Variants in TUSC3 observed in about 807,000 individuals in gnomAD.
TUSC3 encodes the protein tumor suppressor candidate 3, also known as dolichyl-diphosphooligosaccharide--protein glycosyltransferase subunit TUSC3.
Under a neutral mutation model 44.8 loss-of-function variants are expected in TUSC3, and 45 were observed. The ratio of observed to expected loss-of-function variants is 1.00; its 90% confidence interval spans 0.79 to 1.29. The LOEUF (loss-of-function observed/expected upper bound fraction) is 1.29. Ranked by LOEUF, TUSC3 falls within the 50% of genes most tolerant of loss-of-function variation. The pLI, the probability that TUSC3 is intolerant of heterozygous loss-of-function variation, is 0.00. For synonymous variants in TUSC3, 212 were observed against 152.9 expected (o/e 1.39, Z -2.85); for missense variants, 519 against 437.9 (o/e 1.19, Z -1.65).
intron 6 of TUSC3, among the ~76,000 whole-genome samples, chr8:15,703,479 G>T (rs188198571): frequency 6.6e-6 from 1 of 152,044 alleles, no homozygotes; most frequent in East Asian, 1.9e-4. Flanking sequence ...ACAGCTTTGG[G>T]CAGCCTTGTT....
intron 1 of TUSC3, among the ~76,000 whole-genome samples, chr8:15,471,175 C>G (rs1485836566): frequency 6.6e-6 from 1 of 152,090 alleles, no homozygotes; most frequent in East Asian, 1.9e-4. Flanking sequence ...ATTGATTCAC[C>G]AAAACTTGGT....
At chr8:15,743,471 C>T in intron 7 of TUSC3, 67 bp from the exon 8 acceptor site, 1 of 1,525,054 alleles carries the variant, frequency 6.6e-7, no homozygotes. Context: ...ACATTGTGTT[C>T]AGAGCCAGAA....
intron 1 of TUSC3, among the ~76,000 whole-genome samples, chr8:15,563,457 G>T (rs1802550343): frequency 6.6e-6 from 1 of 152,042 alleles, no homozygotes; most frequent in African/African-American, 2.4e-5. Flanking sequence ...GGAGGCTGAG[G>T]TGGGCGGATC....
the TUSC3 span, among the ~76,000 whole-genome samples, chr8:15,796,094 G>C: frequency 6.6e-6 from 1 of 152,144 alleles, no homozygotes; most frequent in South Asian, 2.1e-4. Flanking sequence ...CCCAGGTCTG[G>C]CTTGCATGGT....
downstream of TUSC3, among the ~76,000 whole-genome samples, chr8:15,769,010 T>G (rs1812396688): frequency 6.6e-6 from 1 of 152,134 alleles, no homozygotes; most frequent in Admixed American, 6.6e-5. Context: ...CAAAAGTAAC[T>G]TATAGATTAA....
At chr8:15,718,271 C>A (rs528204431) in intron 6 of TUSC3, among the ~76,000 whole-genome samples, 1 of 152,026 alleles carries the variant, frequency 6.6e-6, no homozygotes, top group Non-Finnish European at 1.5e-5. Flanking sequence ...AGAAAAGTGG[C>A]AGTAGAGAAT....
chr8:15,473,762 C>G (rs534758781), intron 1 of TUSC3, among the ~76,000 whole-genome samples: 1 of 152,254 alleles, frequency 6.6e-6, no homozygotes, highest in South Asian at 2.1e-4. Flanking sequence ...AAAAGCAGAA[C>G]AAAGATCACA....
At chr8:15,572,436 T>C (rs551364809) in intron 1 of TUSC3, among the ~76,000 whole-genome samples, 19 of 152,320 alleles carry the variant, frequency 1.2e-4, no homozygotes, top group African/African-American at 4.6e-4. Flanking sequence ...GGGATGTTGT[T>C]ACTGATTTGA....
the TUSC3 span, among the ~76,000 whole-genome samples, chr8:15,808,005 T>C: frequency 4.7e-5 from 7 of 149,342 alleles, no homozygotes; most frequent in South Asian, 1.1e-3. Flanking sequence ...TGTACCTCTA[T>C]TGAATCTAAA....
At chr8:15,576,268 T>G (rs1421706452) in intron 1 of TUSC3, among the ~76,000 whole-genome samples, 2 of 143,136 alleles carry the variant, frequency 1.4e-5, no homozygotes, top group Non-Finnish European at 3.1e-5. Flanking sequence ...TTTTTTTTTC[T>G]TGGTCCTCTT....
At chr8:15,494,231 T>C (rs1479265663) in intron 2 of TUSC3, among the ~76,000 whole-genome samples, 1 of 152,122 alleles carries the variant, frequency 6.6e-6, no homozygotes, top group Non-Finnish European at 1.5e-5. Context: ...GTATGGCGTT[T>C]ATTATCTAAA....
chr8:15,651,031 T>G, intron 3 of TUSC3: 1 of 523,838 alleles, frequency 1.9e-6, no homozygotes, highest in Non-Finnish European at 3.4e-6. Context: ...ACAAATACAA[T>G]TCATTCAATA....
intron 1 of TUSC3, among the ~76,000 whole-genome samples, chr8:15,571,366 GAGTT>G (rs1393722212): frequency 2.0e-5 from 3 of 152,106 alleles, no homozygotes; most frequent in Non-Finnish European, 4.4e-5. Context: ...TTACAATAAA[GAGTT>G]AGCAAGTTTT....
intron 2 of TUSC3, among the ~76,000 whole-genome samples, chr8:15,513,163 AATTG>A (rs1199292814): frequency 6.6e-6 from 1 of 151,764 alleles, no homozygotes; most frequent in African/African-American, 2.4e-5. Flanking sequence ...ATATACAAAA[AATTG>A]ATTATGATAA....
chr8:15,486,211 A>G (rs1410699888), intron 2 of TUSC3, among the ~76,000 whole-genome samples: 1 of 152,146 alleles, frequency 6.6e-6, no homozygotes, highest in East Asian at 1.9e-4. Context: ...TTATGCAGCT[A>G]TTTGTCAACT....
Position 15,552,480 on chromosome 8 carries a change from C to T in TUSC3, c.138+11912C>T, listed in dbSNP as rs146091432. On this transcript the variant is annotated intron_variant, in intron 1 of 10. Coordinates refer to ENST00000503731, the MANE Select transcript of TUSC3 (RefSeq NM_006765.4). ...AGTCAATAAACTGGGAAATAATGGG[C>T]GCTATACTAGCATATTGGGGTGAGC... is the stretch of plus-strand genomic sequence containing the variant. 9.9e-5 allele frequency among the ~76,000 whole-genome samples: 15 copies of T among 151,586 alleles called. 1 individual carries two copies. In the East Asian group the frequency reaches 2.9e-3, roughly 30 times the overall value.
chr8:15,498,982 A>G (rs1254813408), intron 2 of TUSC3, among the ~76,000 whole-genome samples: 1 of 152,172 alleles, frequency 6.6e-6, no homozygotes, highest in African/African-American at 2.4e-5. Flanking sequence ...ACCTTATGGA[A>G]CTAGTCCTGA....
intron 1 of TUSC3, among the ~76,000 whole-genome samples, chr8:15,555,101 T>C (rs1185442034): frequency 1.3e-5 from 2 of 149,298 alleles, no homozygotes; most frequent in African/African-American, 2.4e-5. Flanking sequence ...AGATTTCTCC[T>C]TGATTAGGTA....
chr8:15,659,705 C>G, intron 4 of TUSC3, 58 bp downstream of exon 4: 8 of 1,596,912 alleles, frequency 5.0e-6, no homozygotes, highest in Non-Finnish European at 6.8e-6. Context: ...TTTTATGGAG[C>G]ATTTTAATAA....
Sources: gnomAD v4.1 joint callset for allele counts (sites outside exome capture counted in the v4.1 genomes callset) on GRCh38, gnomAD v4.1.1 for gene constraint, MANE v1.5 for transcripts, NCBI Gene and HGNC (gene_info 2026-07-23, HGNC 2026-07-21) for gene names.